MYBPC1: variants seen among roughly 807,000 people sequenced by gnomAD.
MYBPC1 encodes the protein myosin binding protein C1, also known as myosin-binding protein C, slow-type.
In MYBPC1, 52 loss-of-function variants were observed where a neutral mutation model predicts 147.1. The observed-to-expected ratio is 0.35, with a 90% CI of 0.28 to 0.45. MYBPC1 has a LOEUF of 0.45. MYBPC1 is among the 20% of genes least tolerant of loss of function. MYBPC1 has a pLI of 1.00. For missense variants in MYBPC1, 1,228 were observed against 1,440.3 expected (o/e 0.85, Z 2.39); for synonymous variants, 477 against 475.9 (o/e 1.00, Z -0.03).
At chr12:101,674,792 G>A (rs2136737611) in intron 25 of MYBPC1, among the ~76,000 whole-genome samples, 1 of 149,196 alleles carries the variant, frequency 6.7e-6, no homozygotes, top group South Asian at 2.1e-4. Context: ...GAACCTGGGA[G>A]GAGGAGACTG....
At chr12:101,601,304 C>G (rs7978202) in intron 1 of MYBPC1, among the ~76,000 whole-genome samples, 2,817 of 152,278 alleles carry the variant, frequency 0.018, 85 homozygotes, top group African/African-American at 0.065. Flanking sequence ...TAATTCTGCT[C>G]TGTGTGGATA....
chr12:101,614,355 A>ATG (rs1425790663), intron 1 of MYBPC1, 141 bp from the exon 2 acceptor site: 27 of 792,162 alleles, frequency 3.4e-5, no homozygotes, highest in Non-Finnish European at 4.9e-5. Context: ...AGAAGAGAGA[A>ATG]TGTGTTTCCC....
chr12:101,661,944 G>A (rs1056954398), intron 20 of MYBPC1, among the ~76,000 whole-genome samples: 5 of 128,236 alleles, frequency 3.9e-5, no homozygotes, highest in African/African-American at 1.4e-4. Flanking sequence ...ATGCTTAGAA[G>A]CATTTGCTTC....
chr12:101,627,907 A>G (rs1284998088), intron 5 of MYBPC1, 103 bp downstream of exon 5: 1 of 1,347,392 alleles, frequency 7.4e-7, no homozygotes, highest in Non-Finnish European at 1.1e-6. Flanking sequence ...TCTTATTCAG[A>G]TTGTAGTTTT....
intron 31 of MYBPC1, 65 bp downstream of exon 31, chr12:101,684,489 G>C (rs753619503): frequency 1.9e-5 from 23 of 1,220,546 alleles, no homozygotes; most frequent in Non-Finnish European, 2.3e-5. Flanking sequence ...CAAGCCTGTG[G>C]AGTATGGCAT....
At chr12:101,694,633 C>T in the MYBPC1 span, among the ~76,000 whole-genome samples, 1 of 152,214 alleles carries the variant, frequency 6.6e-6, no homozygotes, top group Non-Finnish European at 1.5e-5. Flanking sequence ...AGAGAGTTCT[C>T]ACTAAGAAAC....
chr12:101,684,395 A>G lies in MYBPC1; in HGVS notation c.3506A>G (p.Lys1169Arg). 1.9e-6 allele frequency: 3 copies of G among 1,588,556 alleles called. No homozygotes were observed. Among genetic ancestry groups the G allele is most frequent in the Non-Finnish European group, 2.6e-6 (3 of 1,164,790 alleles). ...TCTTTTCCTTAGTCATTGCACAATA[A>G]GGATTTTTGAATGTATAATATCATC... ...LEGQQQSLHN[K>R]DF Residue 1169 changes from lysine to arginine, a missense_variant, in exon 31 of 32, where the codon AAG becomes AGG. This residue lies in a region of MYBPC1 where 1,077 missense variants were observed against 1,314.2 expected (regional missense o/e 0.82). Coordinates refer to ENST00000361466, the MANE Select transcript of MYBPC1 (RefSeq NM_002465.4).
intron 10 of MYBPC1, among the ~76,000 whole-genome samples, chr12:101,641,716 A>T (rs1427343245): frequency 2.0e-5 from 3 of 152,170 alleles, no homozygotes; most frequent in African/African-American, 4.8e-5. Context: ...ATGTAAGAAA[A>T]TTTTTAAAAC....
chr12:101,647,154 T>C (rs1893351412), intron 13 of MYBPC1: 22 of 454,122 alleles, frequency 4.8e-5, no homozygotes, highest in South Asian at 4.7e-4. Context: ...CAGATTTTAC[T>C]GGATAATCCT....
chr12:101,634,703 C>T (rs1168297428), intron 9 of MYBPC1, 98 bp downstream of exon 9: 5 of 1,000,180 alleles, frequency 5.0e-6, no homozygotes, highest in Admixed American at 1.8e-5. Context: ...ATTCCAAATA[C>T]GAACAACACT....
At chr12:101,674,028 G>A (rs866500150) in intron 25 of MYBPC1, among the ~76,000 whole-genome samples, 14 of 152,264 alleles carry the variant, frequency 9.2e-5, no homozygotes, top group Middle Eastern at 3.4e-3. Context: ...ACTCTAGCCT[G>A]GGTGACAGAG....
At chr12:101,632,639 G>A (rs950323710) in intron 8 of MYBPC1, among the ~76,000 whole-genome samples, 9 of 152,222 alleles carry the variant, frequency 5.9e-5, no homozygotes, top group Admixed American at 1.3e-4. Context: ...GCTTTTACAA[G>A]TATACAAAGG....
intron 3 of MYBPC1, among the ~76,000 whole-genome samples, chr12:101,623,177 A>G (rs899710333): frequency 6.6e-6 from 1 of 152,172 alleles, no homozygotes; most frequent in African/African-American, 2.4e-5. Context: ...TGTCTCTACT[A>G]AAAATACAAA....
chr12:101,626,970 G>A, intron 4 of MYBPC1, 60 bp downstream of exon 4: 1 of 1,499,898 alleles, frequency 6.7e-7, no homozygotes, highest in Non-Finnish European at 9.3e-7. Flanking sequence ...GACGGTAGAG[G>A]AAAAGAAAAG....
chr12:101,695,245 C>T, the MYBPC1 span, among the ~76,000 whole-genome samples: 1 of 152,136 alleles, frequency 6.6e-6, no homozygotes, highest in East Asian at 1.9e-4. Flanking sequence ...ATGGATAATG[C>T]CGAACCCTAT....
chr12:101,659,536 A>C, intron 18 of MYBPC1, 136 bp from the exon 19 acceptor site: 1 of 891,072 alleles, frequency 1.1e-6, no homozygotes, highest in Admixed American at 2.0e-5. Flanking sequence ...GTTACACTAT[A>C]TAGTCCACCA....
At chr12:101,695,164 G>A in the MYBPC1 span, among the ~76,000 whole-genome samples, 1 of 152,064 alleles carries the variant, frequency 6.6e-6, no homozygotes. Flanking sequence ...TCTGGCCAAT[G>A]AGATACATAA....
At chr12:101,618,008 T>C (rs1886525490) in intron 3 of MYBPC1, among the ~76,000 whole-genome samples, 1 of 152,224 alleles carries the variant, frequency 6.6e-6, no homozygotes, top group South Asian at 2.1e-4. Flanking sequence ...GTTTGTATTG[T>C]CATTTTAAAA....
rs773399148 is a variant in MYBPC1 at position 101,626,929 on chromosome 12, C to T, written c.142+19C>T. 1 of 1,592,970 alleles carries T rather than the reference C, an allele frequency of 6.3e-7. No homozygotes were observed. The highest frequency in any genetic ancestry group is 8.6e-7 in the Non-Finnish European group (1 of 1,160,756). ...CCTCCAGGTTGGGATAATTTCTACCCTTTTCCCTGCTTTTAAATATATTAT... is the reference window on the plus strand; with the variant it reads ...CCTCCAGGTTGGGATAATTTCTACCTTTTTCCCTGCTTTTAAATATATTAT... On this transcript the variant is annotated intron_variant, in intron 4 of 31. Coordinates refer to ENST00000361466, the MANE Select transcript of MYBPC1 (RefSeq NM_002465.4).
Sources: gnomAD v4.1 joint callset for allele counts (sites outside exome capture counted in the v4.1 genomes callset) on GRCh38, gnomAD v4.1.1 for gene constraint, gnomAD v4.1.1 regional missense constraint, MANE v1.5 for transcripts, NCBI Gene and HGNC (gene_info 2026-07-23, HGNC 2026-07-21) for gene names.